The following NEXMIF variants were observed in gnomAD, a reference collection of about 807,000 sequenced individuals.
NEXMIF encodes XLMR protein related to neurite extension.
Under a neutral mutation model 62.1 loss-of-function variants are expected in NEXMIF, and 8 were observed. The ratio of observed to expected loss-of-function variants is 0.13; its 90% CI spans 0.08 to 0.23. The LOEUF is 0.23. Among genes scored for constraint, NEXMIF ranks in the 10% least tolerant of loss-of-function variants. The pLI, the probability that NEXMIF is intolerant of heterozygous loss-of-function variation, is 1.00. For synonymous variants in NEXMIF, 404 were observed against 416.6 expected, an observed-to-expected ratio of 0.97 and a Z score of 0.37; for missense variants, 976 against 1,113.3, an observed-to-expected ratio of 0.88 and a Z score of 1.75.
At chrX:74,848,251 T>A (rs573037056) in intron 1 of NEXMIF, among the ~76,000 whole-genome samples, 3 of 112,528 alleles carry the variant, frequency 2.7e-5, no homozygotes, top group East Asian at 2.8e-4. Flanking sequence ...TACTCCTCCA[T>A]GATAAACAAA....
At chrX:74,772,384 T>C (rs1247252885) in intron 1 of NEXMIF, among the ~76,000 whole-genome samples, 2 of 112,149 alleles carry the variant, frequency 1.8e-5, no homozygotes, top group Non-Finnish European at 3.8e-5. Flanking sequence ...ATTTTGCTTT[T>C]CCCCAACATC....
chrX:74,885,632 A>C (rs1172268684), intron 1 of NEXMIF, among the ~76,000 whole-genome samples: 2 of 111,575 alleles, frequency 1.8e-5, no homozygotes, highest in African/African-American at 6.5e-5. Flanking sequence ...CAATAACAGG[A>C]TCTGAAATTG....
chrX:74,866,735 G>T, intron 1 of NEXMIF, among the ~76,000 whole-genome samples: 1 of 112,580 alleles, frequency 8.9e-6, no homozygotes, highest in Non-Finnish European at 1.9e-5. Context: ...AAGCCTGTTG[G>T]TTTTATATAG....
At chrX:74,794,961 A>G (rs1490985204) in intron 1 of NEXMIF, among the ~76,000 whole-genome samples, 3 of 111,878 alleles carry the variant, frequency 2.7e-5, no homozygotes, top group Non-Finnish European at 5.6e-5. Context: ...TGGGAGCTGT[A>G]GACTGGAGCT....
intron 1 of NEXMIF, among the ~76,000 whole-genome samples, chrX:74,865,493 A>C (rs2080575379): frequency 9.0e-6 from 1 of 111,674 alleles, no homozygotes; most frequent in Admixed American, 9.5e-5. Context: ...GCCAAGAAAA[A>C]CCCATTTTCT....
At chrX:74,828,391 G>A (rs549361822) in intron 1 of NEXMIF, among the ~76,000 whole-genome samples, 9 of 111,884 alleles carry the variant, frequency 8.0e-5, no homozygotes, top group African/African-American at 2.9e-4. Flanking sequence ...CTCTATTGCT[G>A]TGCTACAGGT....
At chrX:74,751,896 C>T (rs1402870122) in intron 1 of NEXMIF, among the ~76,000 whole-genome samples, 1 of 106,367 alleles carries the variant, frequency 9.4e-6, no homozygotes, top group East Asian at 3.0e-4. Context: ...GGCTGGAGTG[C>T]AACAGCGCGA....
chrX:74,804,929 G>A (rs1397889279), intron 1 of NEXMIF, among the ~76,000 whole-genome samples: 2 of 112,051 alleles, frequency 1.8e-5, no homozygotes, highest in Non-Finnish European at 3.8e-5. Flanking sequence ...ACCACTAGAT[G>A]TGCGATTCCC....
chrX:74,851,720 G>A (rs1159671945), intron 1 of NEXMIF, among the ~76,000 whole-genome samples: 1 of 111,632 alleles, frequency 9.0e-6, no homozygotes, highest in African/African-American at 3.3e-5. Context: ...AATCCTACAA[G>A]AAATGTTTAA....
chrX:74,818,103 A>G (rs1228729759), intron 1 of NEXMIF, among the ~76,000 whole-genome samples: 1 of 109,903 alleles, frequency 9.1e-6, no homozygotes, highest in Non-Finnish European at 1.9e-5. Flanking sequence ...TTAAAAAAAA[A>G]TTATAAAAAA....
chrX:74,819,817 C>G (rs759053292), intron 1 of NEXMIF, among the ~76,000 whole-genome samples: 24 of 111,853 alleles, frequency 2.1e-4, no homozygotes, highest in Admixed American at 2.0e-3. Flanking sequence ...TACCATTTGA[C>G]CCAGCAATCC....
At chrX:74,791,983 G>C (rs1434088083) in intron 1 of NEXMIF, among the ~76,000 whole-genome samples, 2 of 110,335 alleles carry the variant, frequency 1.8e-5, no homozygotes, top group Non-Finnish European at 3.8e-5. Context: ...CTTCAGTTCT[G>C]CTCTGATCTT....
chrX:74,885,198 A>T (rs2080686066), intron 1 of NEXMIF, among the ~76,000 whole-genome samples: 1 of 111,795 alleles, frequency 8.9e-6, no homozygotes, highest in Non-Finnish European at 1.9e-5. Flanking sequence ...AAAGCAGGAA[A>T]GATCTGAAAT....
At chrX:74,868,326 C>T (rs1253279855) in intron 1 of NEXMIF, among the ~76,000 whole-genome samples, 3 of 111,890 alleles carry the variant, frequency 2.7e-5, no homozygotes, top group Non-Finnish European at 5.6e-5. Context: ...TACATGCAGG[C>T]ATGTGTTAAT....
intron 1 of NEXMIF, among the ~76,000 whole-genome samples, chrX:74,814,950 T>C (rs2080371462): frequency 8.9e-6 from 1 of 111,954 alleles, no homozygotes; most frequent in Non-Finnish European, 1.9e-5. Context: ...AATCTTTGCA[T>C]GAATGGAATA....
chrX:74,904,033 C>CCACCTCA (rs1305060868), intron 1 of NEXMIF, among the ~76,000 whole-genome samples: 2 of 109,708 alleles, frequency 1.8e-5, no homozygotes, highest in African/African-American at 6.7e-5. Flanking sequence ...ATTGAGCACC[C>CCACCTCA]CACCTCACTC....
chrX:74,903,973 TGAA>T (rs2080758213), intron 1 of NEXMIF, among the ~76,000 whole-genome samples: 1 of 108,999 alleles, frequency 9.2e-6, no homozygotes, highest in African/African-American at 3.4e-5. Context: ...TAGTAAGTGC[TGAA>T]GAAGTTTTAA....
At chrX:74,761,654 A>T (rs1220641669) in intron 1 of NEXMIF, among the ~76,000 whole-genome samples, 3 of 108,728 alleles carry the variant, frequency 2.8e-5, no homozygotes, top group Admixed American at 9.9e-5. Flanking sequence ...CTATCTTAAT[A>T]TTTTTTTTCA....
chrX:74,903,325 TACACACAC>T (rs397897060), intron 1 of NEXMIF, among the ~76,000 whole-genome samples: 1,967 of 51,133 alleles, frequency 0.038, 25 homozygotes, highest in African/African-American at 0.065. Context: ...TTCTCAGGCA[TACACACAC>T]ACACACACAC....
Sources: allele counts gnomAD v4.1 joint callset (sites outside exome capture counted in the v4.1 genomes callset), GRCh38; gene constraint gnomAD v4.1.1; transcripts MANE v1.5; gene names NCBI Gene and HGNC (gene_info 2026-07-23, HGNC 2026-07-21).